The following NARS2 variants were observed in gnomAD, a reference collection of about 807,000 sequenced individuals.
NARS2 encodes asparaginyl-tRNA synthetase.
Under a neutral mutation model 62.9 loss-of-function variants are expected in NARS2, and 60 were observed. The ratio of observed to expected loss-of-function variants is 0.95; its 90% confidence interval spans 0.77 to 1.18. The LOEUF (loss-of-function observed/expected upper bound fraction) is 1.18, where lower values mean the gene tolerates loss of function less well. Among genes scored for constraint, NARS2 ranks in the 50% most tolerant of loss-of-function variants. The pLI is 0.00. For synonymous variants in NARS2, 196 were observed against 200.0 expected (o/e 0.98, Z 0.17); for missense variants, 619 against 576.4 (o/e 1.07, Z -0.76).
At chr11:78,484,480 A>C (rs1191238848) in intron 7 of NARS2, among the ~76,000 whole-genome samples, 3 of 152,184 alleles carry the variant, frequency 2.0e-5, no homozygotes, top group Non-Finnish European at 4.4e-5. Flanking sequence ...AAATTTTTGC[A>C]ATCTACCCGT....
At chr11:78,543,370 A>G (rs1004479976) in intron 5 of NARS2, among the ~76,000 whole-genome samples, 1 of 152,166 alleles carries the variant, frequency 6.6e-6, no homozygotes, top group African/African-American at 2.4e-5. Flanking sequence ...ACAAAAACCA[A>G]TTTCCCCTAA....
intron 5 of NARS2, among the ~76,000 whole-genome samples, chr11:78,538,989 C>T (rs372406658): frequency 0.017 from 1,135 of 67,546 alleles, 32 homozygotes; most frequent in African/African-American, 0.078. Context: ...AGCGAGAATC[C>T]GTCTCAAAAA....
At chr11:78,452,142 C>T (rs1357239579) in intron 11 of NARS2, among the ~76,000 whole-genome samples, 1 of 151,824 alleles carries the variant, frequency 6.6e-6, no homozygotes. Context: ...TGGAGTCTCA[C>T]TCTGTTGCCA....
chr11:78,515,162 G>C (rs1024292073), intron 6 of NARS2, among the ~76,000 whole-genome samples: 2 of 152,192 alleles, frequency 1.3e-5, no homozygotes, highest in African/African-American at 2.4e-5. Context: ...GTGAGACTGG[G>C]GGTAGGAGAA....
chr11:78,574,043 G>A (rs1436279249), intron 1 of NARS2, among the ~76,000 whole-genome samples: 1 of 152,142 alleles, frequency 6.6e-6, no homozygotes, highest in African/African-American at 2.4e-5. Flanking sequence ...TATAAACCTG[G>A]ATATTCATTA....
intron 6 of NARS2, among the ~76,000 whole-genome samples, chr11:78,497,746 T>C (rs983033841): frequency 1.3e-5 from 2 of 152,162 alleles, no homozygotes; most frequent in African/African-American, 4.8e-5. Flanking sequence ...TTTTCAGCTT[T>C]CCCCTATCTG....
At chr11:78,564,252 G>A (rs1856665115) in intron 4 of NARS2, among the ~76,000 whole-genome samples, 1 of 152,114 alleles carries the variant, frequency 6.6e-6, no homozygotes, top group South Asian at 2.1e-4. Flanking sequence ...CTGGAGTTCA[G>A]TGGCACAAAC....
chr11:78,574,587 C>A lies in NARS2; in HGVS notation c.-99G>T. ...TTTCTCAGCTGCTCCCCTTCCGCGG[C>A]CGCAGCTCTGCTCTAAGGCACTCCA... On this transcript the variant is annotated 5_prime_UTR_variant, in exon 1 of 14. Transcript: ENST00000281038. 1 of 1,378,764 alleles carries A rather than the reference C, an allele frequency of 7.3e-7. No individual in the cohort carries two copies. The highest frequency in any genetic ancestry group is 1.4e-5 in the South Asian group (1 of 70,490). The allele number at this position is 1,378,764 out of a possible 1,614,324, so 85.4% of individuals were successfully genotyped here.
At chr11:78,480,701 G>A (rs913886807) in intron 7 of NARS2, among the ~76,000 whole-genome samples, 1 of 151,448 alleles carries the variant, frequency 6.6e-6, no homozygotes, top group South Asian at 2.1e-4. Flanking sequence ...ATTTGGGGGG[G>A]GTGGGAAAAA....
intron 5 of NARS2, among the ~76,000 whole-genome samples, chr11:78,543,803 C>A (rs1040471565): frequency 7.2e-5 from 11 of 152,090 alleles, no homozygotes; most frequent in Admixed American, 7.2e-4. Context: ...GAGGCCAAGG[C>A]GGGCAGACCA....
Position 78,574,362 on chromosome 11 carries a change from G to T in NARS2, c.127C>A (p.Arg43Ser). Residue 43 changes from arginine to serine, a missense_variant, in exon 1 of 14, where the codon CGC becomes AGC. By Grantham distance (110) the Arg-to-Ser change is moderately radical. Coordinates refer to ENST00000281038, the MANE Select transcript of NARS2 (RefSeq NM_024678.6). Reference sequence around the variant, plus strand: ...CATTCACCAACCTGGATCTTAATGCGCTCCCCACTCGCGTTCTGAGCCCCG... The same window carrying T: ...CATTCACCAACCTGGATCTTAATGCTCTCCCCACTCGCGTTCTGAGCCCCG... ...ALGAQNASGE[R>S]IKIQGWIRSV... 1 of 1,614,176 alleles carries T rather than the reference G, an allele frequency of 6.2e-7. No homozygotes were observed. Among genetic ancestry groups the T allele is most frequent in the African/African-American group, 1.3e-5 (1 of 75,028 alleles).
chr11:78,528,836 T>G lies in NARS2; in HGVS notation c.689+6A>C, dbSNP rs747028018. On this transcript the variant is annotated splice_donor_region_variant and intron_variant, in intron 6 of 13. Transcript: ENST00000281038. ...TCAAAGCAAAAGAGAAAGGAAAATT[T>G]CATACCCTGACATCACTTCTAGATG... 6.3e-7 allele frequency: 1 copy of G among 1,594,450 alleles called. No homozygotes were observed. The highest frequency in any genetic ancestry group is 1.7e-5 in the Admixed American group (1 of 59,712).
In NARS2 at chr11:78,436,616, A is replaced by G; in HGVS notation, c.*54T>C. 6.4e-7 allele frequency: 1 copy of G among 1,570,268 alleles called. No homozygotes were observed. The highest frequency in any genetic ancestry group is 1.3e-5 in the African/African-American group (1 of 74,086). On this transcript the variant is annotated 3_prime_UTR_variant, in exon 14 of 14. Coordinates refer to ENST00000281038, the MANE Select transcript of NARS2 (RefSeq NM_024678.6). Reference sequence around the variant, plus strand: ...AAACATGCATTCTGCTGTATGCACAATCATGTGCAGTGTCTCTGCCATGGG... The same window carrying G: ...AAACATGCATTCTGCTGTATGCACAGTCATGTGCAGTGTCTCTGCCATGGG...
At chr11:78,561,918 C>T (rs1017656426) in intron 4 of NARS2, among the ~76,000 whole-genome samples, 35 of 151,872 alleles carry the variant, frequency 2.3e-4, no homozygotes, top group Admixed American at 6.6e-4. Flanking sequence ...AAAATTAGCC[C>T]GGTGTGGTAG....
intron 2 of NARS2, 88 bp from the exon 3 acceptor site, chr11:78,568,840 C>T (rs940848540): frequency 7.5e-5 from 82 of 1,089,218 alleles, no homozygotes; most frequent in Non-Finnish European, 1.0e-4. Context: ...TATTAAAATA[C>T]TTAATGACAA....
At chr11:78,533,932 T>C (rs1006524522) in intron 5 of NARS2, among the ~76,000 whole-genome samples, 14 of 152,212 alleles carry the variant, frequency 9.2e-5, no homozygotes, top group East Asian at 1.9e-4. Context: ...CTCTTTGACT[T>C]AGTAATTTGC....
chr11:78,446,609 C>A (rs1857769623), intron 11 of NARS2, among the ~76,000 whole-genome samples: 1 of 152,052 alleles, frequency 6.6e-6, no homozygotes, highest in Non-Finnish European at 1.5e-5. Context: ...GGCTCTCTGG[C>A]TTCTGCTTGA....
intron 11 of NARS2, among the ~76,000 whole-genome samples, chr11:78,448,965 T>C (rs1857863640): frequency 6.6e-6 from 1 of 152,192 alleles, no homozygotes; most frequent in Non-Finnish European, 1.5e-5. Context: ...AAAAGACTCA[T>C]ATTTATTTTG....
Position 78,509,754 on chromosome 11 carries a change from G to A in NARS2, c.690-16559C>T, listed in dbSNP as rs181812322. ...GCAGTCAAGAATCCCTTGAACTCAGGAGGTGGAGGATGCAGTAAGCTGGGA... is the reference window on the plus strand; with the variant it reads ...GCAGTCAAGAATCCCTTGAACTCAGAAGGTGGAGGATGCAGTAAGCTGGGA... On this transcript the variant is annotated intron_variant, in intron 6 of 13. Transcript: ENST00000281038. 1.8e-4 allele frequency among the ~76,000 whole-genome samples: 27 copies of A among 150,622 alleles called. No individual in the cohort carries two copies. The East Asian group carries it at 5.1e-3, about 28-fold the overall frequency.
Sources: gnomAD v4.1 joint callset for allele counts (sites outside exome capture counted in the v4.1 genomes callset) on GRCh38, gnomAD v4.1.1 for gene constraint, MANE v1.5 for transcripts, NCBI Gene and HGNC (gene_info 2026-07-23, HGNC 2026-07-21) for gene names.